Variants in GTF2IRD1 observed in about 807,000 individuals in gnomAD.
GTF2IRD1 encodes the protein GTF2I repeat domain containing 1, also known as general transcription factor II-I repeat domain-containing protein 1.
A neutral mutation model predicts 113.2 loss-of-function variants in GTF2IRD1; 26 were observed. That is an observed-to-expected ratio of 0.23 (90% CI 0.17 to 0.32). The LOEUF (loss-of-function observed/expected upper bound fraction) is 0.32, where lower values mean the gene tolerates loss of function less well. GTF2IRD1 is among the 10% of genes least tolerant of loss of function. The pLI is 1.00. For synonymous variants in GTF2IRD1, 484 were observed against 529.1 expected, an observed-to-expected ratio of 0.91 and a Z score of 1.17; for missense variants, 864 against 1,280.8, an observed-to-expected ratio of 0.67 and a Z score of 4.97.
At chr7:74,478,226 G>C (rs1353586237) in intron 1 of GTF2IRD1, among the ~76,000 whole-genome samples, 11 of 152,198 alleles carry the variant, frequency 7.2e-5, no homozygotes, top group African/African-American at 2.7e-4. Flanking sequence ...GAGATATACT[G>C]TGAGCAACAC....
rs369903282 is a variant in GTF2IRD1 at position 74,454,432 on chromosome 7, C to T, written c.-7+256C>T. Reference sequence around the variant, plus strand: ...GCCGGGAGCTGGGAGCTGTCACCCCCTCCCTCCTTGCCACCGGCTCTTCTG... The same window carrying T: ...GCCGGGAGCTGGGAGCTGTCACCCCTTCCCTCCTTGCCACCGGCTCTTCTG... On this transcript the variant is annotated intron_variant, in intron 1 of 26. Coordinates refer to ENST00000424337, the MANE Select transcript of GTF2IRD1 (RefSeq NM_005685.4). Among the ~76,000 whole-genome samples, 67 of 152,010 alleles carry T rather than the reference C, an allele frequency of 4.4e-4. 1 individual carries two copies. The East Asian group carries it at 0.012, about 26-fold the overall frequency.
At chr7:74,461,011 C>T (rs2116892736) in intron 1 of GTF2IRD1, among the ~76,000 whole-genome samples, 1 of 152,292 alleles carries the variant, frequency 6.6e-6, no homozygotes, top group Non-Finnish European at 1.5e-5. Flanking sequence ...GTCATGGGGT[C>T]CACGTCCACC....
chr7:74,577,802 G>T (rs367755121), intron 22 of GTF2IRD1, among the ~76,000 whole-genome samples: 1 of 151,974 alleles, frequency 6.6e-6, no homozygotes, highest in Non-Finnish European at 1.5e-5. Flanking sequence ...ACAAGCACAC[G>T]TGCTACCATG....
intron 22 of GTF2IRD1, among the ~76,000 whole-genome samples, chr7:74,560,555 T>G (rs1163185171): frequency 1.4e-5 from 2 of 146,908 alleles, no homozygotes; most frequent in East Asian, 3.9e-4. Context: ...ATTAAAAATA[T>G]TATATATATA....
At chr7:74,528,707 GTGGATGGATGGATGGATGGATGGA>G (rs58102974) in intron 8 of GTF2IRD1, among the ~76,000 whole-genome samples, 3 of 106,848 alleles carry the variant, frequency 2.8e-5, no homozygotes, top group East Asian at 3.7e-4. Flanking sequence ...GGAAAGATGG[GTGGATGGATGGATGGATGGATGGA>G]TGGATGGATG....
In GTF2IRD1 at chr7:74,519,430, G is replaced by A; in HGVS notation, c.627G>A (p.Arg209=). 2.0e-6 allele frequency: 3 copies of A among 1,534,072 alleles called. No homozygotes were observed. The South Asian group carries it at 3.8e-5, about 20-fold the overall frequency. ...TCAGGCCACTTGAGGATGGCGGGCG[G>A]GACTCGAAGGCCCTGGTGGAGCTGA... ...KLKRPLEDGG[R]DSKALVELNG... Residue 209 remains arginine (R), a synonymous_variant, in exon 6 of 27, where the codon CGG becomes CGA. Coordinates refer to ENST00000424337, the MANE Select transcript of GTF2IRD1 (RefSeq NM_005685.4).
intron 9 of GTF2IRD1, among the ~76,000 whole-genome samples, chr7:74,533,266 C>T (rs1394337228): frequency 6.6e-6 from 1 of 151,860 alleles, no homozygotes; most frequent in African/African-American, 2.4e-5. Flanking sequence ...TCCCAAGTAG[C>T]TGGGATTACA....
chr7:74,566,435 C>T (rs143862709), intron 22 of GTF2IRD1, among the ~76,000 whole-genome samples: 4 of 152,318 alleles, frequency 2.6e-5, no homozygotes, highest in East Asian at 3.9e-4. Flanking sequence ...CTCCGCCTCC[C>T]GAGTTCAAGC....
At chr7:74,466,521 C>T (rs782302150) in intron 1 of GTF2IRD1, among the ~76,000 whole-genome samples, 11 of 152,126 alleles carry the variant, frequency 7.2e-5, no homozygotes, top group Non-Finnish European at 1.5e-4. Flanking sequence ...GTTTCTAAAA[C>T]GTACTGTGCT....
At chr7:74,541,971 G>GTGTA (rs1798661821) in intron 14 of GTF2IRD1, among the ~76,000 whole-genome samples, 2 of 150,508 alleles carry the variant, frequency 1.3e-5, no homozygotes, top group African/African-American at 4.9e-5. Flanking sequence ...TAGGACCTAT[G>GTGTA]TGTAGTCCCA....
At chr7:74,515,070 A>AAT (rs1244901824) in intron 3 of GTF2IRD1, among the ~76,000 whole-genome samples, 1 of 151,622 alleles carries the variant, frequency 6.6e-6, no homozygotes, top group Non-Finnish European at 1.5e-5. Flanking sequence ...AAAAAAAAAA[A>AAT]AAAAAAAAAT....
Position 74,518,270 on chromosome 7 carries a change from G to T in GTF2IRD1, c.553G>T (p.Ala185Ser). Residue 185 changes from alanine (A) to serine (S), a missense_variant, in exon 5 of 27, where the codon GCC becomes TCC. Coordinates refer to ENST00000424337, the MANE Select transcript of GTF2IRD1 (RefSeq NM_005685.4). Reference protein sequence around the residue: ...FRRPAEYDPKALMAILEHSHR... With the variant: ...FRRPAEYDPKSLMAILEHSHR... ...AAGGCCAGCCGAGTATGACCCCAAG[G>T]CCCTCATGGCCATCCTGGAACACAG... 6.2e-7 allele frequency: 1 copy of T among 1,609,466 alleles called. No individual in the cohort carries two copies.
intron 4 of GTF2IRD1, among the ~76,000 whole-genome samples, chr7:74,517,534 C>T (rs2130227221): frequency 6.7e-6 from 1 of 150,332 alleles, no homozygotes; most frequent in South Asian, 2.1e-4. Context: ...ATTCTCCTGC[C>T]TCAGCCTCCC....
intron 22 of GTF2IRD1, among the ~76,000 whole-genome samples, chr7:74,585,657 G>A (rs781986297): frequency 2.0e-5 from 3 of 151,962 alleles, no homozygotes; most frequent in Non-Finnish European, 4.4e-5. Context: ...CGAGGTGGGC[G>A]AATCACCTGA....
At chr7:74,476,005 G>A (rs570624149) in intron 1 of GTF2IRD1, among the ~76,000 whole-genome samples, 9 of 152,316 alleles carry the variant, frequency 5.9e-5, no homozygotes, top group African/African-American at 2.2e-4. Flanking sequence ...GTCTGTGTGC[G>A]TGGAGGTGGC....
At chr7:74,494,189 C>T (rs1029992436) in intron 1 of GTF2IRD1, among the ~76,000 whole-genome samples, 2 of 152,122 alleles carry the variant, frequency 1.3e-5, no homozygotes, top group African/African-American at 2.4e-5. Flanking sequence ...AAAAGGTTGC[C>T]GGTGGGAGTT....
chr7:74,574,355 G>T lies in GTF2IRD1; in HGVS notation c.2320+14700G>T, dbSNP rs1271051074. Among the ~76,000 whole-genome samples, 3 of 151,498 alleles carry T rather than the reference G, an allele frequency of 2.0e-5. 1 individual carries two copies. The highest frequency in any genetic ancestry group is 7.3e-5 in the African/African-American group (3 of 41,170). ...GACAGCATCTTGCTTCATTGCCCAGGCTGGTCTAGAACTCCTGGCTTCAAG... is the reference window on the plus strand; with the variant it reads ...GACAGCATCTTGCTTCATTGCCCAGTCTGGTCTAGAACTCCTGGCTTCAAG... On this transcript the variant is annotated intron_variant, in intron 22 of 26. Coordinates refer to ENST00000424337, the MANE Select transcript of GTF2IRD1 (RefSeq NM_005685.4).
chr7:74,539,668 C>T (rs374918176), intron 13 of GTF2IRD1, among the ~76,000 whole-genome samples: 69 of 151,996 alleles, frequency 4.5e-4, no homozygotes, highest in African/African-American at 1.6e-3. Context: ...CGCTTGAACC[C>T]GGGAGGCGGA....
intron 9 of GTF2IRD1, among the ~76,000 whole-genome samples, chr7:74,530,789 C>T (rs1284338676): frequency 6.6e-6 from 1 of 152,040 alleles, no homozygotes; most frequent in Non-Finnish European, 1.5e-5. Context: ...CATCGGTGCA[C>T]CTGAAGACAT....
Sources: gnomAD v4.1 joint callset for allele counts (sites outside exome capture counted in the v4.1 genomes callset) on GRCh38, gnomAD v4.1.1 for gene constraint, MANE v1.5 for transcripts, NCBI Gene and HGNC (gene_info 2026-07-23, HGNC 2026-07-21) for gene names.